Variants in SLC35F4 observed in about 807,000 individuals in gnomAD.
The protein encoded by SLC35F4 is chromosome 14 open reading frame 36.
In SLC35F4, 24 loss-of-function variants were observed where a neutral mutation model predicts 44.2. The observed-to-expected ratio is 0.54, with a 90% CI of 0.39 to 0.76. SLC35F4 has a LOEUF of 0.76. Among genes scored for constraint, SLC35F4 ranks in the 30% least tolerant of loss-of-function variants. The pLI is 0.00. For missense variants in SLC35F4, 562 were observed against 586.1 expected (o/e 0.96, Z 0.42); for synonymous variants, 238 against 223.6 (o/e 1.06, Z -0.57).
chr14:57,756,822 T>A (rs2077005151), intron 1 of SLC35F4, among the ~76,000 whole-genome samples: 1 of 95,980 alleles, frequency 1.0e-5, no homozygotes, highest in African/African-American at 3.1e-5. Context: ...ATCTGCCTAA[T>A]TTTTTTTTTT....
At chr14:57,596,270 A>C (rs1487377247) in intron 1 of SLC35F4, 1 of 163,178 alleles carries the variant, frequency 6.1e-6, no homozygotes, top group Non-Finnish European at 1.3e-5. Flanking sequence ...TTATATACTG[A>C]CTGCTACACT....
At chr14:57,889,405 G>T (rs1401753436) in intron 1 of SLC35F4, among the ~76,000 whole-genome samples, 1 of 152,236 alleles carries the variant, frequency 6.6e-6, no homozygotes, top group Admixed American at 6.5e-5. Context: ...CAAGCCATGT[G>T]ACCCAGCCGA....
intron 1 of SLC35F4, among the ~76,000 whole-genome samples, chr14:57,702,129 T>C (rs1385062013): frequency 6.6e-6 from 1 of 152,170 alleles, no homozygotes; most frequent in East Asian, 1.9e-4. Context: ...GACCAGCCAC[T>C]GCCTGTCCCA....
In SLC35F4 at chr14:57,865,989, A is replaced by G. The variant is rs1273018900; in HGVS notation, c.-164T>C. On this transcript the variant is annotated 5_prime_UTR_variant, in exon 1 of 8. Transcript: ENST00000556826. The stretch of plus-strand genomic sequence containing the variant: ...CGGCGCAGCACCGGCTCCGCATCAC[A>G]GCGGCGGCGGCGGCGGCGGCGGCGG... The G allele has an allele frequency of 4.6e-5, 17 of 373,218 alleles. No individual in the cohort carries two copies. In the East Asian group the frequency reaches 7.6e-4, roughly 17 times the overall value. The allele number at this position is 373,218 out of a possible 1,614,324, so 23.1% of individuals were successfully genotyped here. A position where few individuals can be genotyped will look rare whatever the true frequency, so the allele number is the denominator to read the frequency against.
At chr14:57,878,578 C>G (rs1041482404) in intron 1 of SLC35F4, among the ~76,000 whole-genome samples, 1 of 152,192 alleles carries the variant, frequency 6.6e-6, no homozygotes, top group Non-Finnish European at 1.5e-5. Context: ...GCTGTTCCCT[C>G]TATCTGGAAC....
intron 1 of SLC35F4, among the ~76,000 whole-genome samples, chr14:57,842,624 T>TCTC (rs1274205569): frequency 6.6e-6 from 1 of 152,054 alleles, no homozygotes; most frequent in Admixed American, 6.6e-5. Context: ...CACAACCACC[T>TCTC]CTCTCTCCAT....
At chr14:57,627,067 A>C (rs1192061513) in intron 1 of SLC35F4, among the ~76,000 whole-genome samples, 1 of 152,160 alleles carries the variant, frequency 6.6e-6, no homozygotes, top group Non-Finnish European at 1.5e-5. Flanking sequence ...TCACAAGTCT[A>C]TCCAAGGGCA....
At chr14:57,640,279 A>G (rs1162394214) in intron 1 of SLC35F4, among the ~76,000 whole-genome samples, 1 of 152,060 alleles carries the variant, frequency 6.6e-6, no homozygotes. Context: ...CACTGAATAG[A>G]GGAAAGATAA....
chr14:57,909,569 C>T (rs865923229), intron 1 of SLC35F4, among the ~76,000 whole-genome samples: 1 of 133,224 alleles, frequency 7.5e-6, no homozygotes, highest in Non-Finnish European at 1.7e-5. Flanking sequence ...CACACACACA[C>T]ACACACAAAC....
intron 1 of SLC35F4, among the ~76,000 whole-genome samples, chr14:57,761,863 G>A (rs1182988630): frequency 6.6e-6 from 1 of 152,110 alleles, no homozygotes; most frequent in Non-Finnish European, 1.5e-5. Flanking sequence ...GTTCTTGGTT[G>A]TAAGCAACAG....
At chr14:57,777,300 A>G (rs1008548242) in intron 1 of SLC35F4, among the ~76,000 whole-genome samples, 1 of 151,858 alleles carries the variant, frequency 6.6e-6, no homozygotes, top group Non-Finnish European at 1.5e-5. Flanking sequence ...GGATTATAAA[A>G]CATGCTACTA....
At chr14:57,960,652 G>A (rs1199589594) in intron 1 of SLC35F4, among the ~76,000 whole-genome samples, 2 of 152,216 alleles carry the variant, frequency 1.3e-5, no homozygotes, top group African/African-American at 4.8e-5. Flanking sequence ...GGCAGGGGAA[G>A]TAACTTTATT....
At chr14:57,880,113 G>A (rs1888501349) in intron 1 of SLC35F4, among the ~76,000 whole-genome samples, 1 of 149,426 alleles carries the variant, frequency 6.7e-6, no homozygotes, top group African/African-American at 2.5e-5. Flanking sequence ...AGGAAGGACA[G>A]TAGATCTTTT....
At chr14:57,732,074 T>G (rs1379581386) in intron 1 of SLC35F4, among the ~76,000 whole-genome samples, 1 of 152,204 alleles carries the variant, frequency 6.6e-6, no homozygotes, top group African/African-American at 2.4e-5. Context: ...AACAGTAAGA[T>G]CAACATGAAA....
At chr14:57,743,886 T>G (rs2076688051) in intron 1 of SLC35F4, among the ~76,000 whole-genome samples, 1 of 152,206 alleles carries the variant, frequency 6.6e-6, no homozygotes, top group Non-Finnish European at 1.5e-5. Context: ...CATGATCAAG[T>G]GGGCTTCATC....
intron 1 of SLC35F4, among the ~76,000 whole-genome samples, chr14:57,871,173 A>G (rs1203526523): frequency 6.6e-6 from 1 of 152,162 alleles, no homozygotes; most frequent in African/African-American, 2.4e-5. Flanking sequence ...GGTGCCTCCC[A>G]GCTTGTCCAG....
chr14:57,832,189 C>T (rs780184064), intron 1 of SLC35F4, among the ~76,000 whole-genome samples: 7 of 150,764 alleles, frequency 4.6e-5, no homozygotes, highest in Non-Finnish European at 1.0e-4. Flanking sequence ...GCCCCTCCCT[C>T]CCGGCCCACC....
intron 1 of SLC35F4, among the ~76,000 whole-genome samples, chr14:57,845,988 T>C (rs562569376): frequency 3.9e-5 from 6 of 152,304 alleles, no homozygotes; most frequent in East Asian, 1.9e-4. Context: ...AATAAGGCCA[T>C]TGAAGACAGC....
intron 1 of SLC35F4, among the ~76,000 whole-genome samples, chr14:57,785,588 C>T (rs7156696): frequency 0.12 from 18,967 of 152,106 alleles, 1,324 homozygotes; most frequent in African/African-American, 0.18. Flanking sequence ...ACCCCAAATA[C>T]TGTGAGTGCC....
Sources: allele counts gnomAD v4.1 joint callset (sites outside exome capture counted in the v4.1 genomes callset), GRCh38; gene constraint gnomAD v4.1.1; transcripts MANE v1.5; gene names NCBI Gene and HGNC (gene_info 2026-07-23, HGNC 2026-07-21).